ZBTB37: variants seen among roughly 807,000 people sequenced by gnomAD.
ZBTB37 encodes the protein zinc finger and BTB domain containing 37.
In ZBTB37, 15 loss-of-function variants were observed where a neutral mutation model predicts 37.7. The ratio of observed to expected loss-of-function variants is 0.40; its 90% CI spans 0.27 to 0.61. The LOEUF (loss-of-function observed/expected upper bound fraction) is 0.61. Among genes scored for constraint, ZBTB37 ranks in the 20% least tolerant of loss-of-function variants. ZBTB37 has a pLI of 0.44. For synonymous variants in ZBTB37, 231 were observed against 220.6 expected (o/e 1.05, Z -0.42); for missense variants, 514 against 641.9 (o/e 0.80, Z 2.15).
intron 4 of ZBTB37, among the ~76,000 whole-genome samples, chr1:173,875,617 G>A (rs995080260): frequency 2.0e-5 from 3 of 151,816 alleles, no homozygotes; most frequent in Non-Finnish European, 2.9e-5. Context: ...GTGAGCCACC[G>A]CGCCCGGCCT....
exon 4 of ZBTB37, chr1:173,900,411 C>G (rs1251471720): frequency 6.6e-6 from 1 of 152,122 alleles, no homozygotes; most frequent in African/African-American, 2.4e-5. Flanking sequence ...GTTTCTTGCC[C>G]ATGGCAACCT....
exon 4 of ZBTB37, chr1:173,895,630 G>A (rs891844353): frequency 1.3e-5 from 2 of 152,108 alleles, no homozygotes; most frequent in African/African-American, 4.8e-5. Context: ...ATGATTTTGT[G>A]CTCGAAGATG....
At chr1:173,883,743 C>T (rs945370252) in intron 4 of ZBTB37, among the ~76,000 whole-genome samples, 1 of 152,112 alleles carries the variant, frequency 6.6e-6, no homozygotes, top group Non-Finnish European at 1.5e-5. Context: ...AGTATTCAAC[C>T]CTTGACTTTA....
At chr1:173,872,188 C>G (rs1655612439) in intron 3 of ZBTB37, among the ~76,000 whole-genome samples, 1 of 151,914 alleles carries the variant, frequency 6.6e-6, no homozygotes, top group Non-Finnish European at 1.5e-5. Context: ...TCTGCCTCAG[C>G]CTCCCGAGTA....
chr1:173,880,188 G>T (rs1656221741), intron 4 of ZBTB37, among the ~76,000 whole-genome samples: 1 of 152,164 alleles, frequency 6.6e-6, no homozygotes, highest in Non-Finnish European at 1.5e-5. Context: ...TCTTCTTAGT[G>T]CCTGATTAAT....
chr1:173,868,417 T>TCCTTGACTGGACTCGGGCCCCACAC lies in ZBTB37; in HGVS notation c.-226+15_-226+39dup, dbSNP rs1655159186. ...TTCCACCCCCGGAGGTAGGTGCTGC[T>TCCTTGACTGGACTCGGGCCCCACAC]CCTTGACTGGACTCGGGCCCCACAC... On this transcript the variant is annotated intron_variant, in intron 1 of 4. Transcript: ENST00000427304. The TCCTTGACTGGACTCGGGCCCCACAC allele has an allele frequency of 6.5e-6, 1 of 153,276 alleles. No homozygotes were observed. The highest frequency in any genetic ancestry group is 1.5e-5 in the Non-Finnish European group (1 of 68,724). 9.5% of individuals were successfully genotyped at this position (153,276 alleles called of 1,614,324 possible).
intron 4 of ZBTB37, among the ~76,000 whole-genome samples, chr1:173,883,382 G>C (rs905269236): frequency 7.2e-5 from 11 of 152,154 alleles, no homozygotes; most frequent in Non-Finnish European, 1.5e-4. Flanking sequence ...AGGAGGCTGA[G>C]GCAGGAGAAT....
At chr1:173,886,348 A>G (rs1656622247) in exon 5 of ZBTB37, 1 of 649,284 alleles carries the variant, frequency 1.5e-6, no homozygotes, top group Non-Finnish European at 2.5e-6. Context: ...AAGCAAATCA[A>G]CTTTCTAATT....
In ZBTB37 at chr1:173,875,585, C is replaced by T. The variant is rs544524918; in HGVS notation, c.1023+2019C>T. ...CAGGTGATCCACCCACCTCAGCCTC[C>T]GAAAGTGCTGGGATTGCAGATGTGA... On this transcript the variant is annotated intron_variant, in intron 4 of 4. Transcript: ENST00000427304. Among the ~76,000 whole-genome samples the T allele has an allele frequency of 7.9e-5, 12 of 151,992 alleles. No individual in the cohort carries two copies. In the East Asian group the frequency reaches 1.5e-3, roughly 20 times the overall value.
At chr1:173,876,498 A>C (rs1655977136) in intron 4 of ZBTB37, among the ~76,000 whole-genome samples, 1 of 152,018 alleles carries the variant, frequency 6.6e-6, no homozygotes, top group Non-Finnish European at 1.5e-5. Flanking sequence ...TTGTATTTTT[A>C]GTAGAGACAG....
chr1:173,885,827 G>T, exon 5 of ZBTB37: 1 of 1,551,860 alleles, frequency 6.4e-7, no homozygotes, highest in South Asian at 1.2e-5. Context: ...TCTGCCGCAT[G>T]TGTGGCAAGA....
At chr1:173,877,975 A>G (rs764860549) in intron 4 of ZBTB37, among the ~76,000 whole-genome samples, 1 of 152,216 alleles carries the variant, frequency 6.6e-6, no homozygotes, top group South Asian at 2.1e-4. Flanking sequence ...TACTTGGCCT[A>G]ATTTTTCAAG....
At position 173,878,405 on chromosome 1, in the gene ZBTB37, T is replaced by C. The variant is rs562844443; in HGVS notation, c.1023+4839T>C. ...TACCAATAAGTCTTTGTTTATGCAT[T>C]CTATTTTCCCAGGGAAAGGAGAAGG... On this transcript the variant is annotated intron_variant, in intron 4 of 4. Transcript: ENST00000427304. 2.6e-5 allele frequency among the ~76,000 whole-genome samples: 4 copies of C among 152,328 alleles called. No individual in the cohort carries two copies. The South Asian group carries it at 8.3e-4, about 32-fold the overall frequency.
At chr1:173,886,309 T>C (rs1488108981) in exon 5 of ZBTB37, 4 of 857,686 alleles carry the variant, frequency 4.7e-6, no homozygotes, top group Admixed American at 6.6e-5. Context: ...TCCCTTCTTA[T>C]TGCCCGCCTC....
chr1:173,880,095 AGG>A (rs1656215247), intron 4 of ZBTB37, among the ~76,000 whole-genome samples: 2 of 152,222 alleles, frequency 1.3e-5, no homozygotes, highest in Non-Finnish European at 2.9e-5. Flanking sequence ...ACAGGAACAC[AGG>A]ATCAGGCACA....
intron 4 of ZBTB37, among the ~76,000 whole-genome samples, chr1:173,875,601 G>A (rs761399666): frequency 2.0e-5 from 3 of 151,644 alleles, no homozygotes; most frequent in Non-Finnish European, 4.4e-5. Flanking sequence ...TGCTGGGATT[G>A]CAGATGTGAG....
At chr1:173,884,039 C>T (rs1656482125) in intron 4 of ZBTB37, among the ~76,000 whole-genome samples, 1 of 151,930 alleles carries the variant, frequency 6.6e-6, no homozygotes, top group African/African-American at 2.4e-5. Flanking sequence ...GGTTTTTATT[C>T]CTCTAATATA....
intron 4 of ZBTB37, among the ~76,000 whole-genome samples, chr1:173,884,755 C>T (rs1430743580): frequency 6.6e-6 from 1 of 152,272 alleles, no homozygotes; most frequent in South Asian, 2.1e-4. Flanking sequence ...TCTATACTAT[C>T]TGATATAGTA....
chr1:173,899,554 T>C (rs1657180371), exon 4 of ZBTB37: 1 of 152,208 alleles, frequency 6.6e-6, no homozygotes, highest in Admixed American at 6.5e-5. Flanking sequence ...AACACCGGCC[T>C]TATGCTTTCT....
Sources: gnomAD v4.1 joint callset for allele counts (sites outside exome capture counted in the v4.1 genomes callset) on GRCh38, gnomAD v4.1.1 for gene constraint, MANE v1.5 for transcripts, NCBI Gene and HGNC (gene_info 2026-07-23, HGNC 2026-07-21) for gene names.